MYZAP: variants seen among roughly 807,000 people sequenced by gnomAD.
MYZAP encodes myocardial zonula adherens protein, also known as GRINL1A complex locus upstream.
A neutral mutation model predicts 69.4 loss-of-function variants in MYZAP; 66 were observed. That is an observed-to-expected ratio of 0.95 (90% CI 0.78 to 1.17). The LOEUF (loss-of-function observed/expected upper bound fraction) is 1.17. MYZAP is among the 50% of genes most tolerant of loss of function. The probability of loss-of-function intolerance (pLI) is 0.00; values close to 1 mark genes in which losing one functional copy is unlikely to be tolerated. For synonymous variants in MYZAP, 256 were observed against 205.9 expected (o/e 1.24, Z -2.09); for missense variants, 611 against 556.2 (o/e 1.10, Z -0.99).
intron 11 of MYZAP, among the ~76,000 whole-genome samples, chr15:57,669,134 C>G (rs1372575810): frequency 6.6e-6 from 1 of 152,056 alleles, no homozygotes; most frequent in East Asian, 1.9e-4. Flanking sequence ...AGTGATCAGC[C>G]CATGTCGGGT....
At chr15:57,633,770 A>C (rs1217347096) in intron 8 of MYZAP, 29 bp downstream of exon 8, 1 of 1,487,960 alleles carries the variant, frequency 6.7e-7, no homozygotes. Flanking sequence ...CCTATTGCCC[A>C]CTTGCCCAAA....
rs763856721 is a variant in MYZAP at position 57,616,822 on chromosome 15, C to CTTTTTTTTTTTTTTTTTTTTTTTT, written c.163-1209_163-1186dup. On this transcript the variant is annotated intron_variant, in intron 2 of 12. Coordinates refer to ENST00000267853, the MANE Select transcript of MYZAP (RefSeq NM_001018100.5). ...GAGACTCCATCTAAAAAAAAAAGTGCTTTTTTTTTTTTTTTTTTTTTTTTT... is the reference window on the plus strand; with the variant it reads ...GAGACTCCATCTAAAAAAAAAAGTGCTTTTTTTTTTTTTTTTTTTTTTTTTTTTTTTTTTTTTTTTTTTTTTTTT... 4.8e-4 allele frequency among the ~76,000 whole-genome samples: 24 copies of CTTTTTTTTTTTTTTTTTTTTTTTT among 50,060 alleles called. 2 individuals are homozygous for CTTTTTTTTTTTTTTTTTTTTTTTT. The highest frequency in any genetic ancestry group is 7.1e-4 in the African/African-American group (9 of 12,620). The allele number at this position is 50,060 out of a possible 152,430, so 32.8% of individuals were successfully genotyped here. A position where few individuals can be genotyped will look rare whatever the true frequency, so the allele number is the denominator to read the frequency against.
At chr15:57,626,977 T>G (rs1248508808) in intron 5 of MYZAP, among the ~76,000 whole-genome samples, 1 of 152,136 alleles carries the variant, frequency 6.6e-6, no homozygotes, top group Non-Finnish European at 1.5e-5. Context: ...TGGGTCTGGT[T>G]TGCTCAGCAG....
intron 10 of MYZAP, among the ~76,000 whole-genome samples, chr15:57,660,182 T>C (rs1293349564): frequency 6.6e-6 from 1 of 152,234 alleles, no homozygotes; most frequent in Non-Finnish European, 1.5e-5. Flanking sequence ...TTTCATATTT[T>C]GGCCAGTGTA....
chr15:57,603,525 C>T (rs1352380310), intron 1 of MYZAP, among the ~76,000 whole-genome samples: 2 of 152,180 alleles, frequency 1.3e-5, no homozygotes, highest in East Asian at 3.8e-4. Context: ...CACAGTTCCA[C>T]TTTCTGTCTC....
intron 12 of MYZAP, among the ~76,000 whole-genome samples, chr15:57,676,586 G>A (rs1011878904): frequency 5.3e-5 from 8 of 151,568 alleles, no homozygotes; most frequent in Admixed American, 6.6e-5. Context: ...TAATTTGGCC[G>A]TTTCCCCCCT....
rs537559249 is a variant in MYZAP, at chr15:57,683,078, G to C, written c.1305-1324G>C. 5.8e-4 allele frequency among the ~76,000 whole-genome samples: 88 copies of C among 152,244 alleles called. 1 individual carries two copies. The highest frequency in any genetic ancestry group is 5.3e-3 in the Admixed American group (81 of 15,290). On this transcript the variant is annotated intron_variant, in intron 12 of 12. Transcript: ENST00000267853. ...TAAGGGAAATAAACAAGGGACAGTGGCAGGCTGTGGAACTAGCAACAGTGG... is the reference window on the plus strand; with the variant it reads ...TAAGGGAAATAAACAAGGGACAGTGCCAGGCTGTGGAACTAGCAACAGTGG...
chr15:57,596,640 C>T (rs2034077394), intron 1 of MYZAP, among the ~76,000 whole-genome samples: 1 of 152,198 alleles, frequency 6.6e-6, no homozygotes, highest in Admixed American at 6.5e-5. Flanking sequence ...CTTCAAGAGC[C>T]TCCTCAGTAC....
At chr15:57,604,811 A>C (rs1406676417) in intron 2 of MYZAP, among the ~76,000 whole-genome samples, 2 of 152,256 alleles carry the variant, frequency 1.3e-5, no homozygotes, top group Non-Finnish European at 2.9e-5. Flanking sequence ...GGGAAAGGGC[A>C]CTTTCTTGGC....
At chr15:57,596,633 C>G (rs956785332) in intron 1 of MYZAP, among the ~76,000 whole-genome samples, 2 of 152,198 alleles carry the variant, frequency 1.3e-5, no homozygotes, top group African/African-American at 4.8e-5. Context: ...TCGTCTGCTT[C>G]AAGAGCCTCC....
chr15:57,677,424 A>C (rs1468216589), intron 12 of MYZAP, among the ~76,000 whole-genome samples: 2 of 152,230 alleles, frequency 1.3e-5, no homozygotes, highest in African/African-American at 4.8e-5. Flanking sequence ...TGGAAGCCAC[A>C]TAGCCAGAAT....
chr15:57,654,266 T>C (rs1220147936), intron 10 of MYZAP, among the ~76,000 whole-genome samples: 1 of 152,060 alleles, frequency 6.6e-6, no homozygotes, highest in Non-Finnish European at 1.5e-5. Flanking sequence ...GTGTGACATC[T>C]TCTGTTACCA....
intron 2 of MYZAP, among the ~76,000 whole-genome samples, chr15:57,609,020 G>C (rs2034938152): frequency 6.6e-6 from 1 of 152,164 alleles, no homozygotes; most frequent in Non-Finnish European, 1.5e-5. Flanking sequence ...AGGACACCCA[G>C]GCTGCCCCTT....
intron 2 of MYZAP, among the ~76,000 whole-genome samples, chr15:57,604,711 G>A (rs1232986506): frequency 1.3e-5 from 2 of 152,200 alleles, no homozygotes; most frequent in East Asian, 1.9e-4. Flanking sequence ...AGCAGCTGGC[G>A]GGGCTGGAAC....
chr15:57,623,318 C>G (rs2035931651), intron 4 of MYZAP, among the ~76,000 whole-genome samples: 1 of 152,158 alleles, frequency 6.6e-6, no homozygotes. Flanking sequence ...CCCAGCAATT[C>G]TATTCCTAGC....
In MYZAP at chr15:57,661,814, T is replaced by C. The variant is rs78281318; in HGVS notation, c.1203+281T>C. Among the ~76,000 whole-genome samples, 1,439 of 152,338 alleles carry C rather than the reference T, an allele frequency of 9.4e-3. 25 individuals carry two copies. Among genetic ancestry groups the C allele is most frequent in the African/African-American group, 0.033 (1,368 of 41,578 alleles). Reference sequence around the variant, plus strand: ...CTGATAAGCTGTTGATTAGCACTGATAATTCCCCGCATTTGTCCAGTGCTT... The same window carrying C: ...CTGATAAGCTGTTGATTAGCACTGACAATTCCCCGCATTTGTCCAGTGCTT... On this transcript the variant is annotated intron_variant, in intron 11 of 12. Transcript: ENST00000267853.
intron 2 of MYZAP, among the ~76,000 whole-genome samples, chr15:57,613,597 T>C (rs1207466253): frequency 6.6e-6 from 1 of 151,974 alleles, no homozygotes; most frequent in Non-Finnish European, 1.5e-5. Flanking sequence ...TCTCAAATGC[T>C]TGGACTCAAG....
At position 57,619,542 on chromosome 15, in the gene MYZAP, T is replaced by A. The variant is rs536338741; in HGVS notation, c.318+1354T>A. On this transcript the variant is annotated intron_variant, in intron 3 of 12. Coordinates refer to ENST00000267853, the MANE Select transcript of MYZAP (RefSeq NM_001018100.5). Reference sequence around the variant, plus strand: ...GCAGGTGCGCACCGCTACACCCAGATAATTTTTTGTAGAGACCCAGACTGG... The same window carrying A: ...GCAGGTGCGCACCGCTACACCCAGAAAATTTTTTGTAGAGACCCAGACTGG... Among the ~76,000 whole-genome samples, 5 of 152,198 alleles carry A rather than the reference T, an allele frequency of 3.3e-5. 1 individual carries two copies. In the South Asian group the frequency reaches 1.0e-3, roughly 32 times the overall value.
At chr15:57,624,311 G>T (rs1287943861) in intron 4 of MYZAP, among the ~76,000 whole-genome samples, 2 of 152,178 alleles carry the variant, frequency 1.3e-5, no homozygotes, top group Non-Finnish European at 2.9e-5. Flanking sequence ...TCAATTTATG[G>T]CTGGGCTGTG....
Sources: allele counts gnomAD v4.1 joint callset (sites outside exome capture counted in the v4.1 genomes callset), GRCh38; gene constraint gnomAD v4.1.1; transcripts MANE v1.5; gene names NCBI Gene and HGNC (gene_info 2026-07-23, HGNC 2026-07-21).